Variants in ADH4 observed in about 807,000 individuals in gnomAD.
ADH4 encodes the protein alcohol dehydrogenase 4 (class II), pi polypeptide, also known as all-trans-retinol dehydrogenase [NAD(+)] ADH4.
A neutral mutation model predicts 35.2 loss-of-function variants in ADH4; 31 were observed. The ratio of observed to expected loss-of-function variants is 0.88; its 90% CI spans 0.66 to 1.19. The LOEUF is 1.19. Ranked by LOEUF, ADH4 falls within the 50% of genes most tolerant of loss-of-function variation. The pLI is 0.00. For missense variants in ADH4, 476 were observed against 458.3 expected (o/e 1.04, Z -0.35); for synonymous variants, 171 against 160.2 (o/e 1.07, Z -0.51).
At chr4:99,142,302 G>A (rs1729651367) in intron 2 of ADH4, among the ~76,000 whole-genome samples, 1 of 152,134 alleles carries the variant, frequency 6.6e-6, no homozygotes, top group African/African-American at 2.4e-5. Flanking sequence ...AGCACGTCAG[G>A]TTTTTTCTTC....
rs547957314 is a variant in ADH4 at position 99,126,953 on chromosome 4, A to G, written c.980-221T>C. 9.9e-5 allele frequency among the ~76,000 whole-genome samples: 15 copies of G among 152,162 alleles called. No homozygotes were observed. In the East Asian group the frequency reaches 2.3e-3, roughly 23 times the overall value. On this transcript the variant is annotated intron_variant, in intron 7 of 8. Transcript: ENST00000265512. ...CCACTCTATATAAGAAATTATCTCAATAAGGTCAATGTTTATTTTTTGTTC... is the reference window on the plus strand; with the variant it reads ...CCACTCTATATAAGAAATTATCTCAGTAAGGTCAATGTTTATTTTTTGTTC...
At chr4:99,135,810 A>G (rs756536369) in intron 5 of ADH4, among the ~76,000 whole-genome samples, 3 of 152,198 alleles carry the variant, frequency 2.0e-5, no homozygotes, top group African/African-American at 4.8e-5. Flanking sequence ...ATAAAGATCG[A>G]TGTCAGGGAG....
At chr4:99,138,429 C>T (rs1390704740) in intron 4 of ADH4, among the ~76,000 whole-genome samples, 1 of 152,062 alleles carries the variant, frequency 6.6e-6, no homozygotes, top group Non-Finnish European at 1.5e-5. Context: ...AAAGCAAAAA[C>T]AAGATGATTA....
At position 99,127,272 on chromosome 4, in the gene ADH4, C is replaced by A; in HGVS notation, c.916G>T (p.Gly306Ter). Reference protein sequence around the residue: ...TFIGVAAGSKGLTIFPEELII... With the variant: ...TFIGVAAGSK ...AGCTCCTCTGGAAAAATAGTCAATC[C>A]TTTGCTACCAGCAGCTACTCCAATG... is the stretch of plus-strand genomic sequence containing the variant. The change falls in exon 7 of 9, where the codon GGA becomes TGA. Residue 306 changes from glycine (G) to a stop codon, truncating the protein, a stop_gained. Transcript: ENST00000265512. LOFTEE classifies it high-confidence loss of function. 1 of 1,612,694 alleles carries A rather than the reference C, an allele frequency of 6.2e-7. No homozygotes were observed. Among genetic ancestry groups the A allele is most frequent in the East Asian group, 2.2e-5 (1 of 44,816 alleles).
chr4:99,137,751 T>C (rs1191015785), intron 4 of ADH4, among the ~76,000 whole-genome samples: 3 of 152,232 alleles, frequency 2.0e-5, no homozygotes, highest in Non-Finnish European at 4.4e-5. Context: ...CAGTCAGGTT[T>C]CATCTATTAT....
At chr4:99,133,299 T>C (rs532458310) in intron 5 of ADH4, among the ~76,000 whole-genome samples, 4 of 152,336 alleles carry the variant, frequency 2.6e-5, no homozygotes, top group African/African-American at 9.6e-5. Flanking sequence ...AGTAGATGAT[T>C]ATCTATCTGC....
chr4:99,143,084 G>T (rs1339135823), intron 1 of ADH4: 2 of 696,240 alleles, frequency 2.9e-6, no homozygotes, highest in Non-Finnish European at 5.2e-6. Flanking sequence ...ATAACAGAGA[G>T]AATAGATTTA....
intron 1 of ADH4, chr4:99,143,166 C>G: frequency 1.4e-6 from 1 of 701,916 alleles, no homozygotes; most frequent in Non-Finnish European, 2.6e-6. Flanking sequence ...TCTGAATTAC[C>G]TGAGTCAGAT....
intron 6 of ADH4, among the ~76,000 whole-genome samples, chr4:99,129,002 G>C (rs945146131): frequency 1.3e-5 from 2 of 151,966 alleles, no homozygotes; most frequent in African/African-American, 4.8e-5. Flanking sequence ...TTTTTGCCAT[G>C]TTGCCCAGGC....
chr4:99,126,726 T>G lies in ADH4; in HGVS notation c.986A>C (p.Lys329Thr). Residue 329 changes from lysine to threonine, a missense_variant, in exon 8 of 9, where the codon AAA becomes ACA. Coordinates refer to ENST00000265512, the MANE Select transcript of ADH4 (RefSeq NM_000670.5). Reference protein sequence around the residue: ...TINGTFFGGWKSVDSIPKLVT... With the variant: ...TINGTFFGGWTSVDSIPKLVT... ...CAGCTTTGGGATAGAATCTACACTT[T>G]TCCAACCTGTAATGTGGACAAAATG... The G allele has an allele frequency of 1.2e-6, 2 of 1,602,254 alleles. No homozygotes were observed. The highest frequency in any genetic ancestry group is 1.1e-5 in the South Asian group (1 of 89,502).
In ADH4 at chr4:99,141,612, G is replaced by T; in HGVS notation, c.191C>A (p.Pro64Gln). The change falls in exon 3 of 9, where the codon CCA becomes CAA. Residue 64 changes from proline (P) to glutamine (Q), a missense_variant. Pro to Gln is a moderately conservative substitution (Grantham distance 76). Coordinates refer to ENST00000265512, the MANE Select transcript of ADH4 (RefSeq NM_000670.5). ...TGCAGCCTCATGGCCAACGATCACT[G>T]GGAAAGCTAGGCCCTCAAATTTAGA... is the stretch of plus-strand genomic sequence containing the variant. ...IDSKFEGLAF[P>Q]VIVGHEAAGI... The T allele has an allele frequency of 6.2e-7, 1 of 1,614,086 alleles. No individual in the cohort carries two copies. Among genetic ancestry groups the T allele is most frequent in the Non-Finnish European group, 8.5e-7 (1 of 1,179,986 alleles).
At chr4:99,139,627 C>T (rs752775992) in intron 3 of ADH4, among the ~76,000 whole-genome samples, 4 of 152,266 alleles carry the variant, frequency 2.6e-5, no homozygotes, top group East Asian at 1.9e-4. Flanking sequence ...TTCTGTGCTT[C>T]GATGCCTGAG....
In ADH4 at chr4:99,142,699, C is replaced by A; in HGVS notation, c.100G>T (p.Ala34Ser). 1 of 1,597,818 alleles carries A rather than the reference C, an allele frequency of 6.3e-7. No homozygotes were observed. The highest frequency in any genetic ancestry group is 1.1e-5 in the South Asian group (1 of 88,298). Residue 34 changes from alanine (A) to serine (S), a missense_variant, in exon 2 of 9, where the codon GCT (alanine) becomes TCT (serine). Coordinates refer to ENST00000265512, the MANE Select transcript of ADH4 (RefSeq NM_000670.5). Reference protein sequence around the residue: ...IEEVEVAPPKAHEVRIQIIAT... With the variant: ...IEEVEVAPPKSHEVRIQIIAT... The stretch of plus-strand genomic sequence containing the variant: ...CTTACCTGAATGCGAACTTCATGAG[C>A]CTTGGGGGGAGCTACTTCAACCTCT...
chr4:99,136,566 A>G lies in ADH4; in HGVS notation c.482T>C (p.Ile161Thr), dbSNP rs781446081. 6.2e-7 allele frequency: 1 copy of G among 1,614,148 alleles called. No individual in the cohort carries two copies. Among genetic ancestry groups the G allele is most frequent in the South Asian group, 1.1e-5 (1 of 91,078 alleles). Residue 161 changes from isoleucine to threonine, a missense_variant, in exon 5 of 9, where the codon ATC becomes ACC. Physicochemically the swap from Ile to Thr is moderately conservative, Grantham distance 89. Transcript: ENST00000265512. ...ATCATCATCTATTTTGGCAAGATTG[A>G]TATCTGACACCACAGTGTACTGAGA... Reference protein sequence around the residue: ...TFSQYTVVSDINLAKIDDDAN... With the variant: ...TFSQYTVVSDTNLAKIDDDAN...
At chr4:99,136,415 A>C in intron 5 of ADH4, 51 bp downstream of exon 5, 1 of 1,475,432 alleles carries the variant, frequency 6.8e-7, no homozygotes, top group Non-Finnish European at 9.5e-7. Flanking sequence ...TCTGTATCAC[A>C]CTGCCTCCTA....
chr4:99,124,499 A>T, intron 8 of ADH4, 33 bp from the exon 9 acceptor site: 1 of 1,297,296 alleles, frequency 7.7e-7, no homozygotes, highest in Non-Finnish European at 1.1e-6. Flanking sequence ...AATAAGTATA[A>T]TTTTCATGAT....
intron 3 of ADH4, 93 bp from the exon 4 acceptor site, chr4:99,139,241 A>G (rs1729537300): frequency 1.3e-6 from 1 of 747,074 alleles, no homozygotes; most frequent in Non-Finnish European, 2.2e-6. Context: ...TCTTTATAGT[A>G]TACATTTTAT....
intron 1 of ADH4, chr4:99,143,209 T>C (rs1205636585): frequency 8.5e-6 from 6 of 702,124 alleles, no homozygotes; most frequent in Non-Finnish European, 1.6e-5. Flanking sequence ...TTTACATCTC[T>C]GCAACTCGAA....
At chr4:99,132,335 G>A (rs1260549418) in intron 5 of ADH4, among the ~76,000 whole-genome samples, 3 of 152,130 alleles carry the variant, frequency 2.0e-5, no homozygotes, top group Non-Finnish European at 4.4e-5. Context: ...CGTAGTTGAC[G>A]CTGCTCCCTC....
Sources: gnomAD v4.1 joint callset for allele counts (sites outside exome capture counted in the v4.1 genomes callset) on GRCh38, gnomAD v4.1.1 for gene constraint, MANE v1.5 for transcripts, NCBI Gene and HGNC (gene_info 2026-07-23, HGNC 2026-07-21) for gene names.